Variants in DDX17 observed in about 807,000 individuals in gnomAD.
DDX17 encodes probable ATP-dependent RNA helicase DDX17.
A neutral mutation model predicts 80.8 loss-of-function variants in DDX17; 10 were observed. That is an observed-to-expected ratio of 0.12 (90% CI 0.08 to 0.21). DDX17 has a LOEUF of 0.21. Among genes scored for constraint, DDX17 ranks in the 10% least tolerant of loss-of-function variants. The probability of loss-of-function intolerance (pLI) is 1.00; values close to 1 mark genes in which losing one functional copy is unlikely to be tolerated. For missense variants in DDX17, 586 were observed against 957.4 expected (o/e 0.61, Z 5.12); for synonymous variants, 339 against 336.2 (o/e 1.01, Z -0.09).
chr22:38,486,714 G>C (rs1010518714), intron 12 of DDX17, among the ~76,000 whole-genome samples: 1 of 152,106 alleles, frequency 6.6e-6, no homozygotes, highest in African/African-American at 2.4e-5. Context: ...ATTACAATAT[G>C]AAACCTTGAG....
chr22:38,502,048 T>C (rs1204661196), intron 1 of DDX17, among the ~76,000 whole-genome samples: 1 of 152,372 alleles, frequency 6.6e-6, no homozygotes, highest in African/African-American at 2.4e-5. Context: ...TGTCTGCTTA[T>C]CTGCAAAGCA....
intron 5 of DDX17, among the ~76,000 whole-genome samples, chr22:38,497,318 A>AAAAAAAT (rs2089778698): frequency 6.9e-6 from 1 of 144,464 alleles, no homozygotes; most frequent in South Asian, 2.2e-4. Context: ...AAAAAAAAAA[A>AAAAAAAT]AAAAGTACAC....
intron 1 of DDX17, chr22:38,505,440 T>C (rs1330919034): frequency 6.5e-6 from 1 of 154,148 alleles, no homozygotes; most frequent in African/African-American, 2.4e-5. Context: ...AAATGAGAAG[T>C]TGGTCTTTTC....
rs572433747 is a variant in DDX17, at chr22:38,489,057, A to C, written c.1448-942T>G. Reference sequence around the variant, plus strand: ...ATGTTAGTGTAATGCTTTCAGCTGAATGTATATTTTTACCTACTTAAACAA... The same window carrying C: ...ATGTTAGTGTAATGCTTTCAGCTGACTGTATATTTTTACCTACTTAAACAA... On this transcript the variant is annotated intron_variant, in intron 11 of 12. Transcript: ENST00000403230. The surrounding 1 kb of genome is among the most constrained non-coding windows in gnomAD (Gnocchi z 4.6). 3.0e-6 allele frequency: 3 copies of C among 984,448 alleles called. No individual in the cohort carries two copies. In the South Asian group the frequency reaches 1.4e-4, roughly 46 times the overall value. The allele number at this position is 984,448 out of a possible 1,614,324, so 61.0% of individuals were successfully genotyped here. A position where few individuals can be genotyped will look rare whatever the true frequency, so the allele number is the denominator to read the frequency against.
At chr22:38,505,894 C>G (rs922490501) in intron 1 of DDX17, 57 bp downstream of exon 1, 10 of 1,527,702 alleles carry the variant, frequency 6.5e-6, no homozygotes, top group Non-Finnish European at 8.8e-6. Flanking sequence ...CGGGCCTCCC[C>G]AAGAAGCAAC....
At chr22:38,490,440 T>A in intron 11 of DDX17, 1 of 1,289,214 alleles carries the variant, frequency 7.8e-7, no homozygotes, top group Non-Finnish European at 1.0e-6. Flanking sequence ...AAAGCTTCTG[T>A]TAAAAAACAA....
rs778853903 is a variant in DDX17, at chr22:38,498,425, CT to C, written c.672+14del. The stretch of plus-strand genomic sequence containing the variant: ...GTTACCACAATATCAAGGATCTTCT[CT>C]TGCTCATACATACCGCCAACGTCTT... On this transcript the variant is annotated intron_variant, in intron 4 of 12. Transcript: ENST00000403230. 3 of 1,613,836 alleles carry C rather than the reference CT, an allele frequency of 1.9e-6. No individual in the cohort carries two copies. The East Asian group carries it at 6.7e-5, about 36-fold the overall frequency.
chr22:38,498,944 A>G (rs138450), intron 3 of DDX17, among the ~76,000 whole-genome samples: 145,252 of 152,236 alleles, frequency 0.95, 69,415 homozygotes, highest in Admixed American at 0.98. Context: ...CCCAGGAGGC[A>G]GAGGAGGTAG....
At chr22:38,490,663 C>T in intron 11 of DDX17, 2 of 339,910 alleles carry the variant, frequency 5.9e-6, no homozygotes, top group Non-Finnish European at 1.1e-5. Flanking sequence ...CTGAAAATTG[C>T]ACCCCTGTCT....
Position 38,489,700 on chromosome 22 carries a change from C to G in DDX17, c.1448-1585G>C. The G allele has an allele frequency of 1.0e-6, 1 of 985,220 alleles. No individual in the cohort carries two copies. Among genetic ancestry groups the G allele is most frequent in the South Asian group, 4.7e-5 (1 of 21,274 alleles). The allele number at this position is 985,220 out of a possible 1,614,324, so 61.0% of individuals were successfully genotyped here. ...TCTGTTTCTTATTACAATAAAGGCT[C>G]CTCGGTCTTTACTGACCCCTAAAGT... On this transcript the variant is annotated intron_variant, in intron 11 of 12. Transcript: ENST00000403230. The surrounding 1 kb of genome is among the most constrained non-coding windows in gnomAD (Gnocchi z 4.6).
Position 38,489,746 on chromosome 22 carries a change from C to G in DDX17, c.1448-1631G>C, listed in dbSNP as rs1394525011. 1.0e-6 allele frequency: 1 copy of G among 985,156 alleles called. No homozygotes were observed. The highest frequency in any genetic ancestry group is 6.2e-5 in the Admixed American group (1 of 16,250). The allele number at this position is 985,156 out of a possible 1,614,324, so 61.0% of individuals were successfully genotyped here. On this transcript the variant is annotated intron_variant, in intron 11 of 12. Transcript: ENST00000403230. This position sits in a 1 kb window ranked among gnomAD's most constrained non-coding sequence, Gnocchi z 4.6. ...AAAGTCCTGAATCACACCAGAAAGA[C>G]GAGAAGGCACTTATCACAGGGGGCA... is the stretch of plus-strand genomic sequence containing the variant.
At chr22:38,502,728 T>C (rs184667322) in intron 1 of DDX17, among the ~76,000 whole-genome samples, 17 of 152,322 alleles carry the variant, frequency 1.1e-4, no homozygotes, top group African/African-American at 4.1e-4. Context: ...ATTTTCCCTA[T>C]TTCGATCTTG....
chr22:38,488,033 G>A lies in DDX17; in HGVS notation c.1530C>T (p.Ala510=). Residue 510 remains alanine (A), a synonymous_variant, in exon 12 of 13, where the codon GCC becomes GCT. Coordinates refer to ENST00000403230, the MANE Select transcript of DDX17 (RefSeq NM_006386.5). ...AGGCGGTACCCTTGTTGGTGCTACG[G>A]GCTGTTCGGCCAATACGGTGCACAT... 6.2e-7 allele frequency: 1 copy of A among 1,614,196 alleles called. No individual in the cohort carries two copies. Among genetic ancestry groups the A allele is most frequent in the Non-Finnish European group, 8.5e-7 (1 of 1,180,042 alleles).
At chr22:38,490,939 A>G (rs560092076) in intron 11 of DDX17, 5 of 156,028 alleles carry the variant, frequency 3.2e-5, no homozygotes, top group Non-Finnish European at 4.2e-5. Context: ...CATGGAGCAA[A>G]TATTTTTAAT....
Position 38,501,190 on chromosome 22 carries a change from C to T in DDX17, c.378G>A (p.Glu126=). The T allele has an allele frequency of 6.2e-7, 1 of 1,613,742 alleles. No homozygotes were observed. Among genetic ancestry groups the T allele is most frequent in the Non-Finnish European group, 8.5e-7 (1 of 1,179,928 alleles). ...AAAAATTTTTCTCAAACTTGGGGAG[C>T]TCACTCAAATCCCACTTTTTTTTAC... Residue 126 remains glutamate, a synonymous_variant, in exon 2 of 13, where the codon GAG becomes GAA. Transcript: ENST00000403230.
At chr22:38,487,459 A>G (rs908175924) in intron 12 of DDX17, among the ~76,000 whole-genome samples, 4 of 152,120 alleles carry the variant, frequency 2.6e-5, no homozygotes, top group Middle Eastern at 6.3e-3. Context: ...CCTCTACTAA[A>G]AATACAAAAA....
intron 8 of DDX17, 122 bp downstream of exon 8, chr22:38,494,508 C>G: frequency 1.2e-6 from 1 of 848,026 alleles, no homozygotes. Flanking sequence ...TTATCAGAAA[C>G]CTAGCAATGC....
chr22:38,496,350 ATT>A (rs1569140487), intron 5 of DDX17, among the ~76,000 whole-genome samples: 1 of 152,022 alleles, frequency 6.6e-6, no homozygotes, highest in East Asian at 1.9e-4. Context: ...CAAAATTTGG[ATT>A]TGTTTTGTTT....
intron 1 of DDX17, among the ~76,000 whole-genome samples, chr22:38,503,525 C>T (rs1302283686): frequency 1.3e-5 from 2 of 152,028 alleles, no homozygotes; most frequent in East Asian, 1.9e-4. Flanking sequence ...GAAAATATGC[C>T]GTCTTCCATG....
Sources: allele counts gnomAD v4.1 joint callset (sites outside exome capture counted in the v4.1 genomes callset), GRCh38; gene constraint gnomAD v4.1.1; non-coding constraint Gnocchi (gnomAD v3.1); transcripts MANE v1.5; gene names NCBI Gene and HGNC (gene_info 2026-07-23, HGNC 2026-07-21).